Variants in TOX3 observed in about 807,000 individuals in gnomAD.
TOX3 encodes the protein TOX high mobility group box family member 3, also known as CAG trinucleotide repeat-containing gene F9 protein.
A neutral mutation model predicts 64.3 loss-of-function variants in TOX3; 22 were observed. That is an observed-to-expected ratio of 0.34 (90% CI 0.24 to 0.49). The LOEUF (loss-of-function observed/expected upper bound fraction) is 0.49, where lower values mean the gene tolerates loss of function less well. TOX3 is among the 20% of genes least tolerant of loss of function. TOX3 has a pLI of 0.99. For missense variants in TOX3, 661 were observed against 714.4 expected, an observed-to-expected ratio of 0.93 and a Z score of 0.85; for synonymous variants, 291 against 273.6, an observed-to-expected ratio of 1.06 and a Z score of -0.63.
rs45584035 is a variant in TOX3, at chr16:52,512,390, T to C, written c.87+34247A>G. On this transcript the variant is annotated intron_variant, in intron 1 of 6. Coordinates refer to ENST00000219746, the MANE Select transcript of TOX3 (RefSeq NM_001080430.4). ...CCCAAAATGCTCTATTACCCAGAAC[T>C]TGACTCCAGAGATAATCCAACCAAC... 2.2e-3 allele frequency among the ~76,000 whole-genome samples: 333 copies of C among 152,316 alleles called. 1 individual carries two copies. The highest frequency in any genetic ancestry group is 3.9e-3 in the Non-Finnish European group (263 of 68,026).
At chr16:52,493,000 C>A (rs1417258620) in intron 1 of TOX3, among the ~76,000 whole-genome samples, 2 of 151,826 alleles carry the variant, frequency 1.3e-5, no homozygotes, top group African/African-American at 2.4e-5. Context: ...TTTATACTTA[C>A]AAGTGAAACA....
In TOX3 at chr16:52,464,108, G is replaced by C. The variant is rs758913146; in HGVS notation, c.234C>G (p.Ala78=). 5.0e-6 allele frequency: 8 copies of C among 1,597,830 alleles called. No homozygotes were observed. Among genetic ancestry groups the C allele is most frequent in the South Asian group, 1.1e-5 (1 of 88,082 alleles). ...GTAGCAGTACATCCGGCATGCCTAG[G>C]GCAGGGTCTGACTCTGGAGGAGGCG... ...PITPPPESDP[A]LGMPDVLLPF... Residue 78 remains alanine (A), a synonymous_variant, in exon 3 of 7, where the codon GCC becomes GCG. Transcript: ENST00000219746.
chr16:52,442,153 C>G (rs1464348555), intron 6 of TOX3, among the ~76,000 whole-genome samples: 1 of 152,156 alleles, frequency 6.6e-6, no homozygotes, highest in African/African-American at 2.4e-5. Flanking sequence ...AGAGTTCTTC[C>G]TTGCCTGCCT....
intron 4 of TOX3, 25 bp from the exon 5 acceptor site, chr16:52,446,246 T>G: frequency 6.2e-7 from 1 of 1,604,472 alleles, no homozygotes; most frequent in Non-Finnish European, 8.5e-7. Flanking sequence ...GAAAATTCAC[T>G]GCCTAGAATG....
Position 52,464,200 on chromosome 16 carries a change from C to A in TOX3, c.154-12G>T, listed in dbSNP as rs753075433. 2 of 1,493,366 alleles carry A rather than the reference C, an allele frequency of 1.3e-6. No individual in the cohort carries two copies. Among genetic ancestry groups the A allele is most frequent in the South Asian group, 2.8e-5 (2 of 70,188 alleles). The allele number at this position is 1,493,366 out of a possible 1,614,324, so 92.5% of individuals were successfully genotyped here. A position where few individuals can be genotyped will look rare whatever the true frequency, so the allele number is the denominator to read the frequency against. On this transcript the variant is annotated splice_polypyrimidine_tract_variant and intron_variant, in intron 2 of 6. Coordinates refer to ENST00000219746, the MANE Select transcript of TOX3 (RefSeq NM_001080430.4). ...GTGTGGAATGTCTGCTAAAAGGAAACAAAATACAGGTATCTTCATATTCTG... is the reference window on the plus strand; with the variant it reads ...GTGTGGAATGTCTGCTAAAAGGAAAAAAAATACAGGTATCTTCATATTCTG...
chr16:52,500,637 A>G (rs565867826), intron 1 of TOX3, among the ~76,000 whole-genome samples: 1 of 152,210 alleles, frequency 6.6e-6, no homozygotes. Flanking sequence ...ATATGCCAAT[A>G]TATCTTAATT....
chr16:52,500,621 T>C (rs989654665), intron 1 of TOX3, among the ~76,000 whole-genome samples: 3 of 152,212 alleles, frequency 2.0e-5, no homozygotes, highest in Non-Finnish European at 2.9e-5. Flanking sequence ...CCTCTTAGAA[T>C]AATGCATATG....
intron 4 of TOX3, among the ~76,000 whole-genome samples, chr16:52,449,931 C>A (rs547481569): frequency 6.6e-5 from 10 of 152,216 alleles, no homozygotes; most frequent in Admixed American, 5.9e-4. Context: ...TAACTTAGAA[C>A]CAGAGCAGTT....
intron 3 of TOX3, among the ~76,000 whole-genome samples, chr16:52,461,250 C>T (rs968869802): frequency 6.6e-6 from 1 of 152,058 alleles, no homozygotes; most frequent in South Asian, 2.1e-4. Flanking sequence ...TTTGACTTGC[C>T]AACCACATCC....
chr16:52,543,178 T>G (rs1305295060), intron 1 of TOX3, among the ~76,000 whole-genome samples: 1 of 152,222 alleles, frequency 6.6e-6, no homozygotes, highest in East Asian at 1.9e-4. Flanking sequence ...TATCTTATTT[T>G]GGGATGGCAG....
chr16:52,490,267 C>T (rs890715867), intron 1 of TOX3, among the ~76,000 whole-genome samples: 17 of 152,106 alleles, frequency 1.1e-4, no homozygotes, highest in Non-Finnish European at 2.2e-4. Context: ...GCTTCCCTTC[C>T]GCCTTCTGCC....
intron 1 of TOX3, among the ~76,000 whole-genome samples, chr16:52,476,868 A>T (rs1210659779): frequency 1.3e-5 from 2 of 152,226 alleles, no homozygotes; most frequent in Non-Finnish European, 2.9e-5. Context: ...GAGACAAAAA[A>T]ATATATCAAG....
At chr16:52,453,796 T>C (rs1180214491) in intron 3 of TOX3, among the ~76,000 whole-genome samples, 1 of 152,218 alleles carries the variant, frequency 6.6e-6, no homozygotes, top group East Asian at 1.9e-4. Flanking sequence ...CTCCTTGGCT[T>C]TGTCAGCCCT....
chr16:52,463,157 C>G (rs1049255330), intron 3 of TOX3, among the ~76,000 whole-genome samples: 5 of 152,076 alleles, frequency 3.3e-5, no homozygotes, highest in Non-Finnish European at 7.4e-5. Context: ...TAAAAAAAAG[C>G]TCTATAAACT....
In TOX3 at chr16:52,464,020, G is replaced by T; in HGVS notation, c.322C>A (p.Pro108Thr). ...QGSEFTPQFP[P>T]QSLDLPSITI... ...ATGGAAGGGAGGTCCAGGCTTTGAG[G>T]GGGAAACTGGGGTGTGAATTCACTT... Residue 108 changes from proline (P) to threonine (T), a missense_variant, in exon 3 of 7, where the codon CCT (proline) becomes ACT (threonine). By Grantham distance (38) the Pro-to-Thr change is conservative (BLOSUM62 -1). Transcript: ENST00000219746. 1 of 1,600,104 alleles carries T rather than the reference G, an allele frequency of 6.2e-7. No homozygotes were observed.
upstream of TOX3, among the ~76,000 whole-genome samples, chr16:52,547,174 C>G (rs993356181): frequency 1.2e-4 from 17 of 144,426 alleles, no homozygotes; most frequent in African/African-American, 4.0e-4. Context: ...TCCTTCTCCC[C>G]CTCCTGCCTC....
intron 1 of TOX3, among the ~76,000 whole-genome samples, chr16:52,471,067 T>G (rs1297339880): frequency 1.3e-5 from 2 of 152,218 alleles, no homozygotes; most frequent in African/African-American, 4.8e-5. Flanking sequence ...TTAGATAATA[T>G]ACAGGACACC....
chr16:52,503,142 TG>T (rs1362964822), intron 1 of TOX3, among the ~76,000 whole-genome samples: 53 of 152,196 alleles, frequency 3.5e-4, no homozygotes, highest in Admixed American at 3.3e-3. Context: ...TAAAAGATGA[TG>T]TTTTTTAGGG....
intron 1 of TOX3, chr16:52,519,536 C>T (rs1962546302): frequency 6.5e-7 from 1 of 1,536,600 alleles, no homozygotes; most frequent in South Asian, 1.2e-5. Context: ...TCTGACTCTT[C>T]TGTCCTCTGC....
Sources: allele counts gnomAD v4.1 joint callset (sites outside exome capture counted in the v4.1 genomes callset), GRCh38; gene constraint gnomAD v4.1.1; transcripts MANE v1.5; gene names NCBI Gene and HGNC (gene_info 2026-07-23, HGNC 2026-07-21).